Variants in MTHFD2L observed in about 807,000 individuals in gnomAD.
MTHFD2L encodes the protein bifunctional methylenetetrahydrofolate dehydrogenase/cyclohydrolase 2, mitochondrial.
Under a neutral mutation model 34.9 loss-of-function variants are expected in MTHFD2L, and 29 were observed. The observed-to-expected ratio is 0.83, with a 90% confidence interval of 0.62 to 1.13. The LOEUF (loss-of-function observed/expected upper bound fraction) is 1.13. Among genes scored for constraint, MTHFD2L ranks in the 50% most tolerant of loss-of-function variants. The pLI, the probability that MTHFD2L is intolerant of heterozygous loss-of-function variation, is 0.00. For synonymous variants in MTHFD2L, 167 were observed against 155.7 expected, an observed-to-expected ratio of 1.07 and a Z score of -0.54; for missense variants, 481 against 446.5, an observed-to-expected ratio of 1.08 and a Z score of -0.70.
At chr4:74,141,333 A>G (rs188730677) in intron 1 of MTHFD2L, among the ~76,000 whole-genome samples, 1 of 152,366 alleles carries the variant, frequency 6.6e-6, no homozygotes, top group East Asian at 1.9e-4. Flanking sequence ...GTAGTAGTCC[A>G]AGCAAAATTC....
intron 5 of MTHFD2L, among the ~76,000 whole-genome samples, chr4:74,214,341 G>A (rs28814440): frequency 0.084 from 12,782 of 151,642 alleles, 826 homozygotes; most frequent in African/African-American, 0.15. Flanking sequence ...CCTCATCTTC[G>A]TGGATTTATT....
chr4:74,237,368 G>T (rs1011898623), intron 6 of MTHFD2L, among the ~76,000 whole-genome samples: 1 of 152,170 alleles, frequency 6.6e-6, no homozygotes, highest in Non-Finnish European at 1.5e-5. Context: ...TGCTTAACCG[G>T]TTAGGCACGG....
intron 5 of MTHFD2L, among the ~76,000 whole-genome samples, chr4:74,216,348 A>T (rs1278217771): frequency 6.6e-6 from 1 of 151,050 alleles, no homozygotes; most frequent in African/African-American, 2.4e-5. Flanking sequence ...AGAGCTACCT[A>T]TGCCCAACAC....
At chr4:74,162,735 G>C (rs1438258248) in intron 1 of MTHFD2L, among the ~76,000 whole-genome samples, 4 of 152,116 alleles carry the variant, frequency 2.6e-5, no homozygotes, top group African/African-American at 7.2e-5. Flanking sequence ...CCAGTTAACA[G>C]ATTGAGAAAT....
chr4:74,137,741 G>A (rs1054808903), intron 1 of MTHFD2L, among the ~76,000 whole-genome samples: 1 of 152,172 alleles, frequency 6.6e-6, no homozygotes, highest in African/African-American at 2.4e-5. Flanking sequence ...TAAAGAAAAC[G>A]TGGTACATAT....
At chr4:74,149,436 C>T (rs981335617) in intron 1 of MTHFD2L, among the ~76,000 whole-genome samples, 9 of 146,824 alleles carry the variant, frequency 6.1e-5, no homozygotes, top group African/African-American at 2.2e-4. Context: ...CTACATGCAA[C>T]AAAATAAATA....
intron 7 of MTHFD2L, among the ~76,000 whole-genome samples, chr4:74,288,959 T>C (rs1748537470): frequency 6.6e-6 from 1 of 152,230 alleles, no homozygotes; most frequent in African/African-American, 2.4e-5. Flanking sequence ...ATTTTCAGTC[T>C]CTTGATTATT....
At chr4:74,179,169 C>G (rs1418800161) in intron 3 of MTHFD2L, among the ~76,000 whole-genome samples, 1 of 152,010 alleles carries the variant, frequency 6.6e-6, no homozygotes, top group Non-Finnish European at 1.5e-5. Context: ...AGACCCAAAC[C>G]CAGATCAACT....
intron 6 of MTHFD2L, among the ~76,000 whole-genome samples, chr4:74,249,814 T>C (rs965390155): frequency 2.5e-4 from 38 of 152,338 alleles, no homozygotes; most frequent in Middle Eastern, 3.4e-3. Flanking sequence ...TGGCCCCCAC[T>C]CTCTTCTGGC....
chr4:74,254,587 C>CAAA lies in MTHFD2L; in HGVS notation c.806-26827_806-26825dup, dbSNP rs11379406. 8.6e-4 allele frequency among the ~76,000 whole-genome samples: 123 copies of CAAA among 142,862 alleles called. 1 individual carries two copies. The highest frequency in any genetic ancestry group is 2.1e-3 in the African/African-American group (83 of 38,986). The allele number at this position is 142,862 out of a possible 152,430, so 93.7% of individuals were successfully genotyped here. A position where few individuals can be genotyped will look rare whatever the true frequency, so the allele number is the denominator to read the frequency against. The stretch of plus-strand genomic sequence containing the variant: ...AAGAAAGAAAAAACTCCCCCACCTC[C>CAAA]AAAAAAAAAAAAATGCTGAGGGAGT... On this transcript the variant is annotated intron_variant, in intron 6 of 7. Transcript: ENST00000325278.
At chr4:74,214,165 T>G (rs565831) in intron 5 of MTHFD2L, among the ~76,000 whole-genome samples, 51,595 of 151,420 alleles carry the variant, frequency 0.34, 10,833 homozygotes, top group African/African-American at 0.58. Flanking sequence ...TGCTCCTTTA[T>G]CTCAGAAGAG....
intron 6 of MTHFD2L, among the ~76,000 whole-genome samples, chr4:74,236,287 T>C (rs1325369499): frequency 2.0e-5 from 3 of 152,244 alleles, no homozygotes; most frequent in African/African-American, 7.2e-5. Context: ...TTTGATTATG[T>C]TAATGCTTTC....
intron 7 of MTHFD2L, chr4:74,293,604 C>T (rs977347196): frequency 3.7e-6 from 3 of 816,616 alleles, no homozygotes; most frequent in Non-Finnish European, 4.4e-6. Flanking sequence ...GCACTTGATT[C>T]CTGGTTGCCT....
At chr4:74,152,042 A>AACCC (rs1723971182) in intron 1 of MTHFD2L, among the ~76,000 whole-genome samples, 1 of 152,178 alleles carries the variant, frequency 6.6e-6, no homozygotes, top group Admixed American at 6.5e-5. Context: ...TATCCTAATT[A>AACCC]ACCCATCTTT....
At chr4:74,287,832 G>A (rs1748384521) in intron 7 of MTHFD2L, among the ~76,000 whole-genome samples, 1 of 152,190 alleles carries the variant, frequency 6.6e-6, no homozygotes, top group Non-Finnish European at 1.5e-5. Flanking sequence ...GCTTCATTCA[G>A]GGATACTGTT....
At chr4:74,299,270 A>G (rs1750001482) in intron 7 of MTHFD2L, among the ~76,000 whole-genome samples, 1 of 151,820 alleles carries the variant, frequency 6.6e-6, no homozygotes, top group Admixed American at 6.6e-5. Flanking sequence ...ATTTAGCAGA[A>G]TTTTATTTTT....
At chr4:74,284,043 A>G (rs1747834785) in intron 7 of MTHFD2L, among the ~76,000 whole-genome samples, 1 of 152,192 alleles carries the variant, frequency 6.6e-6, no homozygotes, top group South Asian at 2.1e-4. Flanking sequence ...CTATAACTAT[A>G]GCCAAGATAA....
intron 5 of MTHFD2L, among the ~76,000 whole-genome samples, chr4:74,202,492 T>C (rs1359311470): frequency 6.6e-6 from 1 of 151,956 alleles, no homozygotes; most frequent in Non-Finnish European, 1.5e-5. Context: ...GAAATGGAAA[T>C]GGAGATGGAA....
At chr4:74,259,819 C>T (rs757836965) in intron 6 of MTHFD2L, among the ~76,000 whole-genome samples, 7 of 152,164 alleles carry the variant, frequency 4.6e-5, no homozygotes, top group African/African-American at 9.7e-5. Context: ...GATTGCCCTA[C>T]AAGGAGGCTT....
Sources: gnomAD v4.1 joint callset for allele counts (sites outside exome capture counted in the v4.1 genomes callset) on GRCh38, gnomAD v4.1.1 for gene constraint, MANE v1.5 for transcripts, NCBI Gene and HGNC (gene_info 2026-07-23, HGNC 2026-07-21) for gene names.